The following CSPP1 variants were observed in gnomAD, a reference collection of about 807,000 sequenced individuals.
CSPP1 encodes the protein centrosome and spindle pole associated protein 1, also known as centrosome and spindle pole-associated protein 1.
Under a neutral mutation model 164.4 loss-of-function variants are expected in CSPP1, and 126 were observed. The observed-to-expected ratio is 0.77, with a 90% CI of 0.66 to 0.89. The LOEUF (loss-of-function observed/expected upper bound fraction) is 0.89. CSPP1 is among the 40% of genes least tolerant of loss of function. The pLI is 0.00. For synonymous variants in CSPP1, 472 were observed against 476.7 expected (o/e 0.99, Z 0.13); for missense variants, 1,395 against 1,449.8 (o/e 0.96, Z 0.61).
intron 3 of CSPP1, among the ~76,000 whole-genome samples, chr8:67,079,544 G>A (rs1291687997): frequency 6.6e-6 from 1 of 152,140 alleles, no homozygotes; most frequent in Non-Finnish European, 1.5e-5. Context: ...AAGCTTCCTA[G>A]TGTTTTTGGT....
In CSPP1 at chr8:67,093,568, A is replaced by G. The variant is rs1315584575; in HGVS notation, c.410A>G (p.Lys137Arg). The stretch of plus-strand genomic sequence containing the variant: ...GAAAGGTTGAAACTTGAACGTAACA[A>G]AGAATACAATCAGTTTCTCAGGGGT... Reference protein sequence around the residue: ...AKERLKLERNKEYNQFLRGKE... With the variant: ...AKERLKLERNREYNQFLRGKE... Residue 137 changes from lysine (K) to arginine (R), a missense_variant, in exon 6 of 31, where the codon AAA becomes AGA. Lys to Arg is a conservative substitution (Grantham distance 26). Transcript: ENST00000678616. The G allele has an allele frequency of 1.2e-6, 2 of 1,610,902 alleles. No individual in the cohort carries two copies. Among genetic ancestry groups the G allele is most frequent in the Non-Finnish European group, 1.7e-6 (2 of 1,177,538 alleles).
At chr8:67,139,683 G>A (rs1450871649) in intron 17 of CSPP1, among the ~76,000 whole-genome samples, 1 of 152,212 alleles carries the variant, frequency 6.6e-6, no homozygotes, top group African/African-American at 2.4e-5. Context: ...CTGAGTTCAT[G>A]TCCTTTGCAG....
At chr8:67,077,686 A>G (rs1479773644) in intron 3 of CSPP1, among the ~76,000 whole-genome samples, 2 of 152,306 alleles carry the variant, frequency 1.3e-5, no homozygotes, top group East Asian at 3.9e-4. Flanking sequence ...GATGATGACA[A>G]ACTTTTTCAC....
chr8:67,163,446 A>G (rs1032555889), intron 22 of CSPP1, among the ~76,000 whole-genome samples: 23 of 152,176 alleles, frequency 1.5e-4, no homozygotes, highest in African/African-American at 5.1e-4. Context: ...ATGGGAGTCA[A>G]TTATCAGATA....
intron 4 of CSPP1, 125 bp downstream of exon 4, chr8:67,086,235 A>G (rs77083068): frequency 0.036 from 27,010 of 753,774 alleles, 601 homozygotes; most frequent in Non-Finnish European, 0.044. Context: ...AAGTAGTAGT[A>G]TAGTCAAAGT....
intron 28 of CSPP1, among the ~76,000 whole-genome samples, chr8:67,190,292 C>T (rs889621484): frequency 5.3e-5 from 8 of 152,172 alleles, no homozygotes; most frequent in African/African-American, 1.9e-4. Flanking sequence ...GAATCTCAAA[C>T]ACCTTATTGC....
At chr8:67,177,820 C>G in intron 27 of CSPP1, 94 bp downstream of exon 27, 1 of 886,090 alleles carries the variant, frequency 1.1e-6, no homozygotes, top group Non-Finnish European at 1.9e-6. Flanking sequence ...TTGAATTATT[C>G]AGGAATATTG....
rs974194199 is a variant in CSPP1 at position 67,104,936 on chromosome 8, G to A, written c.1023-969G>A. Among the ~76,000 whole-genome samples the A allele has an allele frequency of 1.6e-4, 21 of 134,658 alleles. 1 individual carries two copies. In the East Asian group the frequency reaches 4.4e-3, roughly 28 times the overall value. The allele number at this position is 134,658 out of a possible 152,430, so 88.3% of individuals were successfully genotyped here. On this transcript the variant is annotated intron_variant, in intron 8 of 30. Coordinates refer to ENST00000678616, the MANE Select transcript of CSPP1 (RefSeq NM_001382391.1). Reference sequence around the variant, plus strand: ...ATTACAGGCATGAGCCACTGCTCCCGGTCTTACATGCACATATATATATAT... The same window carrying A: ...ATTACAGGCATGAGCCACTGCTCCCAGTCTTACATGCACATATATATATAT...
chr8:67,149,790 G>C lies in CSPP1; in HGVS notation c.1983G>C (p.Leu661Phe), dbSNP rs374318063. 9.4e-5 allele frequency: 146 copies of C among 1,554,970 alleles called. No homozygotes were observed. The highest frequency in any genetic ancestry group is 1.2e-4 in the Non-Finnish European group (142 of 1,156,770). The change falls in exon 18 of 31, where the codon TTG becomes TTC. Residue 661 changes from leucine to phenylalanine, a missense_variant. Leu to Phe is a conservative substitution (Grantham distance 22). Coordinates refer to ENST00000678616, the MANE Select transcript of CSPP1 (RefSeq NM_001382391.1). ...RDAKGNLITD[L>F]NRMHRQNIDA... Reference sequence around the variant, plus strand: ...CTTATTTTTTCCTCTCAGCTGATTTGAATAGGATGCACAGACAAAATATAG... The same window carrying C: ...CTTATTTTTTCCTCTCAGCTGATTTCAATAGGATGCACAGACAAAATATAG...
At chr8:67,118,163 T>C (rs1818292501) in intron 13 of CSPP1, 85 bp from the exon 14 acceptor site, 1 of 1,400,368 alleles carries the variant, frequency 7.1e-7, no homozygotes, top group Non-Finnish European at 1.0e-6. Flanking sequence ...TTTTCAGTAC[T>C]GTTTTTGCAA....
chr8:67,067,315 C>T (rs977387562), intron 1 of CSPP1, among the ~76,000 whole-genome samples: 1 of 152,178 alleles, frequency 6.6e-6, no homozygotes. Context: ...ATGCTCTGGT[C>T]TGCTTATATC....
intron 22 of CSPP1, 95 bp downstream of exon 22, chr8:67,162,010 T>A: frequency 1.2e-6 from 1 of 818,826 alleles, no homozygotes; most frequent in Non-Finnish European, 2.0e-6. Context: ...TTGGATAGGT[T>A]AAATTTTTTC....
At chr8:67,190,592 C>G in intron 28 of CSPP1, 58 bp from the exon 29 acceptor site, 1 of 1,296,668 alleles carries the variant, frequency 7.7e-7, no homozygotes, top group African/African-American at 1.5e-5. Flanking sequence ...CTTGGTTTAG[C>G]TCTGGGTAAG....
Position 67,161,872 on chromosome 8 carries a change from A to G in CSPP1, c.2600A>G (p.Gln867Arg). 1.9e-6 allele frequency: 3 copies of G among 1,613,606 alleles called. No homozygotes were observed. The highest frequency in any genetic ancestry group is 2.2e-5 in the South Asian group (2 of 91,078). The change falls in exon 22 of 31, where the codon CAA (glutamine) becomes CGA (arginine). Residue 867 changes from glutamine to arginine, a missense_variant. Physicochemically the swap from Gln to Arg is conservative, Grantham distance 43. Transcript: ENST00000678616. ...ALQNKIASKL[Q>R]RPPSVDSIIR... ...CAGAACAAAATTGCAAGCAAACTCC[A>G]AAGACCTCCTTCAGTTGACAGCATC...
chr8:67,084,881 A>G (rs757728706), intron 3 of CSPP1, among the ~76,000 whole-genome samples: 2 of 152,180 alleles, frequency 1.3e-5, no homozygotes, highest in Non-Finnish European at 2.9e-5. Flanking sequence ...ATGCTTCTTG[A>G]CATAGTATTT....
At chr8:67,189,580 T>G (rs1013935124) in intron 28 of CSPP1, among the ~76,000 whole-genome samples, 1 of 152,246 alleles carries the variant, frequency 6.6e-6, no homozygotes, top group African/African-American at 2.4e-5. Context: ...TGAATATCAA[T>G]TATATGTTAA....
intron 17 of CSPP1, among the ~76,000 whole-genome samples, chr8:67,143,909 T>C (rs1004346310): frequency 6.6e-6 from 1 of 152,214 alleles, no homozygotes. Flanking sequence ...GTTTTACTTA[T>C]TTCTTTCCAA....
chr8:67,136,641 G>C (rs1010619705), intron 16 of CSPP1, among the ~76,000 whole-genome samples: 3 of 151,380 alleles, frequency 2.0e-5, no homozygotes, highest in Admixed American at 6.6e-5. Flanking sequence ...ATAAAATGAG[G>C]TATGCCTGTA....
chr8:67,164,070 G>A (rs1828866855), intron 23 of CSPP1, among the ~76,000 whole-genome samples: 1 of 152,160 alleles, frequency 6.6e-6, no homozygotes, highest in African/African-American at 2.4e-5. Context: ...ATCATGCACA[G>A]TTTGTGCGAC....
Sources: gnomAD v4.1 joint callset for allele counts (sites outside exome capture counted in the v4.1 genomes callset) on GRCh38, gnomAD v4.1.1 for gene constraint, MANE v1.5 for transcripts, NCBI Gene and HGNC (gene_info 2026-07-23, HGNC 2026-07-21) for gene names.